The following PER2 variants were observed in gnomAD, a reference collection of about 807,000 sequenced individuals.
The protein encoded by PER2 is period circadian regulator 2.
Under a neutral mutation model 121.0 loss-of-function variants are expected in PER2, and 66 were observed. The observed-to-expected ratio is 0.55, with a 90% CI of 0.45 to 0.67. The LOEUF is 0.67. Among genes scored for constraint, PER2 ranks in the 30% least tolerant of loss-of-function variants. The pLI is 0.00. For synonymous variants in PER2, 684 were observed against 659.9 expected, an observed-to-expected ratio of 1.04 and a Z score of -0.56; for missense variants, 1,521 against 1,635.0, an observed-to-expected ratio of 0.93 and a Z score of 1.20.
At chr2:238,296,916 C>T in the PER2 span, among the ~76,000 whole-genome samples, 1 of 152,204 alleles carries the variant, frequency 6.6e-6, no homozygotes, top group African/African-American at 2.4e-5. Context: ...GCTCTGGGCT[C>T]AGAAAGTGCT....
chr2:238,258,028 AG>A (rs1050531380), intron 16 of PER2, among the ~76,000 whole-genome samples: 3 of 152,164 alleles, frequency 2.0e-5, no homozygotes, highest in Non-Finnish European at 4.4e-5. Context: ...TGTCTGCATG[AG>A]GGGGGTCAGG....
intron 9 of PER2, among the ~76,000 whole-genome samples, chr2:238,263,987 G>A (rs57626842): frequency 0.022 from 3,296 of 151,250 alleles, 109 homozygotes; most frequent in African/African-American, 0.075. Context: ...AAGAGGGGGA[G>A]GAGGAAGAGG....
At position 238,273,015 on chromosome 2, in the gene PER2, C is replaced by T. The variant is rs1574855423; in HGVS notation, c.570+55G>A. 9 of 1,586,744 alleles carry T rather than the reference C, an allele frequency of 5.7e-6. No individual in the cohort carries two copies. The East Asian group carries it at 2.0e-4, about 35-fold the overall frequency. On this transcript the variant is annotated intron_variant, in intron 5 of 22. Transcript: ENST00000254657. ...CCGGCCGCAGTGCTGAGCTAGCTCG[C>T]CTGCAGGAGGAACTCCTGCCATTTT...
intron 1 of PER2, among the ~76,000 whole-genome samples, chr2:238,285,319 G>A (rs1696750544): frequency 6.6e-6 from 1 of 152,204 alleles, no homozygotes. Context: ...CAGAGAGCCT[G>A]GGATCAGGAG....
In PER2 at chr2:238,268,996, C is replaced by T. The variant is rs374799056; in HGVS notation, c.773-22G>A. The T allele has an allele frequency of 1.1e-4, 173 of 1,582,598 alleles. No homozygotes were observed. In the African/African-American group the frequency reaches 2.0e-3, roughly 18 times the overall value. Reference sequence around the variant, plus strand: ...GAATCTAAAAGAGAGAGCCCAAAGTCATTCATCCAAACCAACAACTAAATA... The same window carrying T: ...GAATCTAAAAGAGAGAGCCCAAAGTTATTCATCCAAACCAACAACTAAATA... On this transcript the variant is annotated intron_variant, in intron 6 of 22. Coordinates refer to ENST00000254657, the MANE Select transcript of PER2 (RefSeq NM_022817.3). The surrounding 1 kb of genome is among the most constrained non-coding windows in gnomAD (Gnocchi z 4.0).
At chr2:238,261,131 C>A (rs1695914799) in intron 12 of PER2, among the ~76,000 whole-genome samples, 178 bp from the exon 13 acceptor site, 1 of 152,258 alleles carries the variant, frequency 6.6e-6, no homozygotes, top group African/African-American at 2.4e-5. Flanking sequence ...AGACTCCTGG[C>A]CTCCAGCCGC....
intron 22 of PER2, among the ~76,000 whole-genome samples, chr2:238,248,392 G>A (rs1279733621): frequency 6.6e-6 from 1 of 152,216 alleles, no homozygotes; most frequent in African/African-American, 2.4e-5. Flanking sequence ...GGAAGGACAT[G>A]TGCCTGAGAG....
chr2:238,251,405 G>A (rs1467058139), intron 20 of PER2, among the ~76,000 whole-genome samples, 194 bp downstream of exon 20: 1 of 152,246 alleles, frequency 6.6e-6, no homozygotes, highest in African/African-American at 2.4e-5. Context: ...GGAGGATGTG[G>A]AATTCTGACT....
At chr2:238,274,616 G>A (rs952568357) in intron 4 of PER2, among the ~76,000 whole-genome samples, 4 of 152,238 alleles carry the variant, frequency 2.6e-5, no homozygotes, top group African/African-American at 4.8e-5. Context: ...GGAGAACAGA[G>A]CAGCCCAACT....
At chr2:238,275,244 A>G (rs973040419) in intron 4 of PER2, among the ~76,000 whole-genome samples, 6 of 152,338 alleles carry the variant, frequency 3.9e-5, no homozygotes, top group African/African-American at 1.4e-4. Context: ...AGGTGCTCAC[A>G]CACCAACTGG....
At chr2:238,290,305 A>G (rs1366638562), upstream of PER2, among the ~76,000 whole-genome samples, 6 of 150,790 alleles carry the variant, frequency 4.0e-5, no homozygotes, top group Non-Finnish European at 8.8e-5. Context: ...TCCCTAACAC[A>G]TACACACACA....
rs147746772 is a variant in PER2, at chr2:238,265,773, G to A, written c.968-183C>T. ...AGAACCTTATGCTGGTTGTGGGATC[G>A]TTGGCCAGCCTTCTTAGCTTCTTTA... On this transcript the variant is annotated intron_variant, in intron 8 of 22. Coordinates refer to ENST00000254657, the MANE Select transcript of PER2 (RefSeq NM_022817.3). Among the ~76,000 whole-genome samples the A allele has an allele frequency of 2.7e-3, 410 of 152,316 alleles. 3 individuals carry two copies. Among genetic ancestry groups the A allele is most frequent in the African/African-American group, 8.8e-3 (364 of 41,564 alleles).
chr2:238,268,931 G>A lies in PER2; in HGVS notation c.816C>T (p.Cys272=), dbSNP rs149025945. Residue 272 remains cysteine, a synonymous_variant, in exon 7 of 23, where the codon TGC becomes TGT. Coordinates refer to ENST00000254657, the MANE Select transcript of PER2 (RefSeq NM_022817.3). This position sits in a 1 kb window ranked among gnomAD's most constrained non-coding sequence, Gnocchi z 4.0. ...QECMEEKSFF[C]RVSVRKSHEN... is the part of the protein sequence containing the mutation. Reference sequence around the variant, plus strand: ...CTGGGAACCAGGCTTACCTGACACGGCAAAAGAAAGATTTCTCCTCCATGC... The same window carrying A: ...CTGGGAACCAGGCTTACCTGACACGACAAAAGAAAGATTTCTCCTCCATGC... 9 of 1,610,636 alleles carry A rather than the reference G, an allele frequency of 5.6e-6. No homozygotes were observed. The highest frequency in any genetic ancestry group is 7.6e-6 in the Non-Finnish European group (9 of 1,176,912).
At chr2:238,280,654 T>G (rs892149456) in intron 1 of PER2, among the ~76,000 whole-genome samples, 1 of 152,090 alleles carries the variant, frequency 6.6e-6, no homozygotes, top group Non-Finnish European at 1.5e-5. Flanking sequence ...CGTGACAGAC[T>G]TTTAAAATGC....
At chr2:238,265,330 T>G (rs1334121919) in intron 9 of PER2, among the ~76,000 whole-genome samples, 182 bp downstream of exon 9, 1 of 152,260 alleles carries the variant, frequency 6.6e-6, no homozygotes, top group Non-Finnish European at 1.5e-5. Context: ...AAAGCCTCAA[T>G]TACACCATGT....
rs193295708 is a variant in PER2 at position 238,277,685 on chromosome 2, T to A, written c.230+22A>T. The A allele has an allele frequency of 1.3e-5, 21 of 1,613,368 alleles. No individual in the cohort carries two copies. The African/African-American group carries it at 2.4e-4, about 18-fold the overall frequency. On this transcript the variant is annotated intron_variant, in intron 2 of 22. Transcript: ENST00000254657. ...GAGAAAACAACCTGCCCAGCCTCCA[T>A]CTGGCCAGAGGCTGAACTCACCTCT... is the stretch of plus-strand genomic sequence containing the variant.
rs1695575382 is a variant in PER2 at position 238,250,723 on chromosome 2, T to C, written c.3295A>G (p.Thr1099Ala). 1.2e-6 allele frequency: 2 copies of C among 1,613,630 alleles called. No homozygotes were observed. Among genetic ancestry groups the C allele is most frequent in the South Asian group, 2.2e-5 (2 of 91,072 alleles). Reference protein sequence around the residue: ...SGAGSSDTSHTSKYFGSIDSS... With the variant: ...SGAGSSDTSHASKYFGSIDSS... ...TCAATGCTTCCAAAATATTTGCTGG[T>C]ATGACTTGTGTCACTACTGCCTTTA... The change falls in exon 21 of 23, where the codon ACC becomes GCC. Residue 1099 changes from threonine (T) to alanine (A), a missense_variant. Coordinates refer to ENST00000254657, the MANE Select transcript of PER2 (RefSeq NM_022817.3).
chr2:238,272,838 G>A (rs920957393), intron 5 of PER2, among the ~76,000 whole-genome samples: 1 of 152,346 alleles, frequency 6.6e-6, no homozygotes, highest in African/African-American at 2.4e-5. Flanking sequence ...ATGAGCTACA[G>A]GACAAAGTTG....
At chr2:238,250,492 T>G in intron 21 of PER2, 59 bp downstream of exon 21, 10 of 1,241,224 alleles carry the variant, frequency 8.1e-6, no homozygotes, top group Non-Finnish European at 1.2e-5. Flanking sequence ...CCTTGTTGTT[T>G]CTGGGAGCTC....
Sources: gnomAD v4.1 joint callset for allele counts (sites outside exome capture counted in the v4.1 genomes callset) on GRCh38, gnomAD v4.1.1 for gene constraint, Gnocchi (gnomAD v3.1) non-coding constraint, MANE v1.5 for transcripts, NCBI Gene and HGNC (gene_info 2026-07-23, HGNC 2026-07-21) for gene names.